The following METTL22 variants were observed in gnomAD, a reference collection of about 807,000 sequenced individuals.
METTL22 encodes the protein methyltransferase 22, Kin17 lysine.
Under a neutral mutation model 48.4 loss-of-function variants are expected in METTL22, and 51 were observed. The observed-to-expected ratio is 1.05, with a 90% CI of 0.84 to 1.33. The LOEUF is 1.33. Ranked by LOEUF, METTL22 falls within the 40% of genes most tolerant of loss-of-function variation. The pLI is 0.00. For missense variants in METTL22, 678 were observed against 526.9 expected (o/e 1.29, Z -2.81); for synonymous variants, 255 against 214.1 (o/e 1.19, Z -1.67).
At chr16:8,630,289 A>G (rs948643205) in intron 3 of METTL22, among the ~76,000 whole-genome samples, 2 of 152,262 alleles carry the variant, frequency 1.3e-5, no homozygotes, top group African/African-American at 4.8e-5. Context: ...TCATACCAGA[A>G]CCCAGTTCCA....
downstream of METTL22, among the ~76,000 whole-genome samples, chr16:8,653,439 T>C (rs1279587293): frequency 6.6e-6 from 1 of 152,202 alleles, no homozygotes; most frequent in Non-Finnish European, 1.5e-5. Context: ...GTCAGGCCTA[T>C]CTGGCATTCA....
chr16:8,645,901 C>T, intron 10 of METTL22: 1 of 967,508 alleles, frequency 1.0e-6, no homozygotes, highest in Non-Finnish European at 1.2e-6. Context: ...GGACTTCATC[C>T]ATCCAGCCTC....
intron 2 of METTL22, among the ~76,000 whole-genome samples, chr16:8,626,040 A>C (rs1339824625): frequency 6.6e-6 from 1 of 152,128 alleles, no homozygotes; most frequent in Non-Finnish European, 1.5e-5. Context: ...TCTGTCACCC[A>C]GTCTGGAGTG....
Position 8,642,172 on chromosome 16 carries a change from T to C in METTL22, c.872T>C (p.Leu291Ser). Residue 291 changes from leucine to serine, a missense_variant, in exon 8 of 11, where the codon TTG (leucine) becomes TCG (serine). Transcript: ENST00000381920. ...FSWSQEEISD[L>S]YDHTTILFAA... Reference sequence around the variant, plus strand: ...TGGTCACAAGAGGAAATTTCTGACTTGTACGATCACACCACCATCCTGTTT... The same window carrying C: ...TGGTCACAAGAGGAAATTTCTGACTCGTACGATCACACCACCATCCTGTTT... 1.2e-6 allele frequency: 2 copies of C among 1,613,816 alleles called. No individual in the cohort carries two copies. The highest frequency in any genetic ancestry group is 1.1e-5 in the South Asian group (1 of 91,078).
chr16:8,622,109 C>G (rs2055872147), intron 1 of METTL22, among the ~76,000 whole-genome samples: 1 of 152,152 alleles, frequency 6.6e-6, no homozygotes. Flanking sequence ...AACGAGTAGC[C>G]CCACGGGGGA....
chr16:8,663,448 G>A, the METTL22 span, among the ~76,000 whole-genome samples: 1 of 152,046 alleles, frequency 6.6e-6, no homozygotes, highest in Non-Finnish European at 1.5e-5. Context: ...AAGCTCTCGA[G>A]TGCACCGTCC....
At chr16:8,627,440 C>T (rs1171595933) in intron 2 of METTL22, among the ~76,000 whole-genome samples, 1 of 152,140 alleles carries the variant, frequency 6.6e-6, no homozygotes, top group East Asian at 1.9e-4. Context: ...CCTGGCTCCT[C>T]AAGTATCATC....
chr16:8,627,166 T>A (rs2141694618), intron 2 of METTL22, among the ~76,000 whole-genome samples: 1 of 152,278 alleles, frequency 6.6e-6, no homozygotes, highest in African/African-American at 2.4e-5. Flanking sequence ...CAAGGACGTC[T>A]TTTGAAAATG....
intron 6 of METTL22, chr16:8,639,511 T>A (rs2056527137): frequency 7.3e-6 from 2 of 273,600 alleles, no homozygotes; most frequent in Non-Finnish European, 1.4e-5. Context: ...CCAGTCCACT[T>A]CACTTGCTGC....
intron 1 of METTL22, among the ~76,000 whole-genome samples, chr16:8,625,158 A>G (rs1383083383): frequency 6.6e-6 from 1 of 152,192 alleles, no homozygotes; most frequent in Admixed American, 6.5e-5. Flanking sequence ...GGGGACAGAC[A>G]TTAAATAATT....
At chr16:8,646,014 A>C (rs571865313) in intron 10 of METTL22, 94 bp from the exon 11 acceptor site, 26 of 1,577,606 alleles carry the variant, frequency 1.6e-5, no homozygotes, top group South Asian at 4.6e-5. Context: ...CGTGTTGTCT[A>C]ACTACTCTCC....
chr16:8,644,826 C>T (rs1264519671), intron 10 of METTL22, 101 bp downstream of exon 10: 1 of 1,256,690 alleles, frequency 8.0e-7, no homozygotes, highest in Non-Finnish European at 1.1e-6. Flanking sequence ...GCACAGGCTC[C>T]ACCCTAGTCC....
intron 3 of METTL22, among the ~76,000 whole-genome samples, chr16:8,632,926 A>G (rs2056310172): frequency 1.3e-5 from 2 of 152,162 alleles, no homozygotes; most frequent in Admixed American, 6.5e-5. Context: ...GGAAGTGACC[A>G]ATCACATAGG....
chr16:8,630,724 T>A (rs1284985274), intron 3 of METTL22, among the ~76,000 whole-genome samples: 4 of 152,178 alleles, frequency 2.6e-5, no homozygotes, highest in African/African-American at 7.2e-5. Flanking sequence ...CAGCTTCCCC[T>A]CCTGCCCTGT....
At chr16:8,634,947 C>T (rs563184369) in intron 3 of METTL22, 92 bp from the exon 4 acceptor site, 9 of 1,534,994 alleles carry the variant, frequency 5.9e-6, no homozygotes, top group East Asian at 4.5e-5. Flanking sequence ...CCCATCTGAC[C>T]GTGCTGGCGG....
the METTL22 span, chr16:8,667,263 ATTTAT>A: frequency 6.6e-6 from 1 of 151,966 alleles, no homozygotes; most frequent in Non-Finnish European, 1.5e-5. Context: ...TGTTTTATTT[ATTTAT>A]TTTAAATTTT....
At chr16:8,643,905 C>T (rs973044426) in intron 9 of METTL22, among the ~76,000 whole-genome samples, 19 of 152,302 alleles carry the variant, frequency 1.2e-4, no homozygotes, top group African/African-American at 3.4e-4. Flanking sequence ...GGAGCCACCA[C>T]GCCCAGCATA....
At chr16:8,644,857 T>C in intron 10 of METTL22, 132 bp downstream of exon 10, 1 of 940,994 alleles carries the variant, frequency 1.1e-6, no homozygotes, top group Non-Finnish European at 1.5e-6. Flanking sequence ...GAAGCCTGCG[T>C]GCCTGGCACC....
chr16:8,629,126 A>G lies in METTL22; in HGVS notation c.514+16A>G, dbSNP rs113573295. On this transcript the variant is annotated intron_variant, in intron 3 of 10. Coordinates refer to ENST00000381920, the MANE Select transcript of METTL22 (RefSeq NM_024109.4). ...ATCAGAATAGGTAAATAGAGGTGTG[A>G]TGTGGCCCACCTGTCACCAAGGCAA... The G allele has an allele frequency of 2.3e-3, 3,722 of 1,603,694 alleles. 90 individuals are homozygous for G. In the African/African-American group the frequency reaches 0.045, roughly 19 times the overall value.
Sources: gnomAD v4.1 joint callset for allele counts (sites outside exome capture counted in the v4.1 genomes callset) on GRCh38, gnomAD v4.1.1 for gene constraint, MANE v1.5 for transcripts, NCBI Gene and HGNC (gene_info 2026-07-23, HGNC 2026-07-21) for gene names.